Variants in CEP112 observed in about 807,000 individuals in gnomAD.
CEP112 encodes centrosomal protein of 112 kDa.
Under a neutral mutation model 153.0 loss-of-function variants are expected in CEP112, and 127 were observed. The ratio of observed to expected loss-of-function variants is 0.83; its 90% CI spans 0.72 to 0.96. The LOEUF (loss-of-function observed/expected upper bound fraction) is 0.96, where lower values mean the gene tolerates loss of function less well. Among genes scored for constraint, CEP112 ranks in the 40% least tolerant of loss-of-function variants. The pLI is 0.00. For synonymous variants in CEP112, 358 were observed against 374.4 expected (o/e 0.96, Z 0.51); for missense variants, 1,089 against 1,101.2 (o/e 0.99, Z 0.16).
At chr17:65,916,457 G>A (rs947903480) in intron 19 of CEP112, among the ~76,000 whole-genome samples, 1 of 152,042 alleles carries the variant, frequency 6.6e-6, no homozygotes, top group African/African-American at 2.4e-5. Flanking sequence ...GATTGAGAAG[G>A]CATTAGTTCC....
chr17:65,721,432 T>C (rs193052967), intron 23 of CEP112, among the ~76,000 whole-genome samples: 224 of 152,306 alleles, frequency 1.5e-3, no homozygotes, highest in Non-Finnish European at 2.8e-3. Context: ...TAATACTTCA[T>C]AGTTTGGCAA....
chr17:66,186,358 G>C (rs919303805), intron 1 of CEP112, among the ~76,000 whole-genome samples: 2 of 152,130 alleles, frequency 1.3e-5, no homozygotes, highest in Admixed American at 1.3e-4. Context: ...CTGGAGTGTA[G>C]TGGCACGATC....
At chr17:65,760,551 G>A (rs1337867045) in intron 21 of CEP112, among the ~76,000 whole-genome samples, 2 of 151,972 alleles carry the variant, frequency 1.3e-5, no homozygotes, top group African/African-American at 4.8e-5. Flanking sequence ...GATTACATTC[G>A]CTGATTTTCA....
At chr17:65,815,200 G>T (rs2056200696) in intron 21 of CEP112, among the ~76,000 whole-genome samples, 1 of 152,038 alleles carries the variant, frequency 6.6e-6, no homozygotes, top group South Asian at 2.1e-4. Flanking sequence ...TAACTTTTGT[G>T]TAACTGTGAG....
At chr17:65,826,541 A>G in intron 21 of CEP112, 1 of 1,339,790 alleles carries the variant, frequency 7.5e-7, no homozygotes, top group Non-Finnish European at 9.5e-7. Context: ...GATGTCAGCT[A>G]ATGTGATGCC....
intron 22 of CEP112, among the ~76,000 whole-genome samples, chr17:65,744,293 A>G (rs919672770): frequency 6.7e-6 from 1 of 150,166 alleles, no homozygotes; most frequent in Non-Finnish European, 1.5e-5. Context: ...TTGCTCTGTT[A>G]CCCAGGCTGG....
At chr17:66,029,023 G>T in intron 14 of CEP112, 100 bp downstream of exon 14, 1 of 910,632 alleles carries the variant, frequency 1.1e-6, no homozygotes, top group Non-Finnish European at 1.6e-6. Context: ...GTGAAAGAGA[G>T]ATTAATTTCA....
chr17:66,039,494 T>G (rs1481032507), intron 12 of CEP112, among the ~76,000 whole-genome samples: 1 of 152,124 alleles, frequency 6.6e-6, no homozygotes, highest in Admixed American at 6.5e-5. Flanking sequence ...AATAGGACTA[T>G]TTTCATAAGA....
chr17:65,694,582 TAAA>T (rs2048271952), intron 23 of CEP112, among the ~76,000 whole-genome samples: 1 of 152,200 alleles, frequency 6.6e-6, no homozygotes, highest in South Asian at 2.1e-4. Flanking sequence ...AAAGATCAGT[TAAA>T]AAACTGAAAA....
At chr17:65,651,398 A>G (rs774046557) in intron 24 of CEP112, among the ~76,000 whole-genome samples, 6 of 152,184 alleles carry the variant, frequency 3.9e-5, no homozygotes, top group Non-Finnish European at 7.3e-5. Context: ...TGCCATAAAC[A>G]TGTGTGTGCA....
At position 66,178,710 on chromosome 17, in the gene CEP112, A is replaced by G. The variant is rs553607607; in HGVS notation, c.107-1690T>C. ...TTGAGGTCTTAGATTTCAGTCTTTA[A>G]TCCATTTTTATTTTTGTATATGGTG... On this transcript the variant is annotated intron_variant, in intron 2 of 26. Coordinates refer to ENST00000535342, the MANE Select transcript of CEP112 (RefSeq NM_001199165.4). Among the ~76,000 whole-genome samples the G allele has an allele frequency of 5.8e-4, 88 of 151,962 alleles. 1 individual carries two copies. The highest frequency in any genetic ancestry group is 1.9e-3 in the African/African-American group (80 of 41,486).
At chr17:65,786,862 A>G (rs375125351) in intron 21 of CEP112, among the ~76,000 whole-genome samples, 1 of 152,136 alleles carries the variant, frequency 6.6e-6, no homozygotes, top group Admixed American at 6.5e-5. Flanking sequence ...CTGGGATTAT[A>G]AGCAAAGCTG....
chr17:65,823,065 A>G (rs548141344), intron 21 of CEP112, among the ~76,000 whole-genome samples: 8 of 152,242 alleles, frequency 5.3e-5, no homozygotes, highest in African/African-American at 1.9e-4. Flanking sequence ...GAAAACCTAA[A>G]TAAATGGTAA....
chr17:65,656,040 C>T (rs1404854715), intron 24 of CEP112, among the ~76,000 whole-genome samples: 1 of 152,184 alleles, frequency 6.6e-6, no homozygotes, highest in South Asian at 2.1e-4. Context: ...TACCCCTCTC[C>T]CATTCTCTGA....
At chr17:65,809,852 T>TGG (rs141825201) in intron 21 of CEP112, among the ~76,000 whole-genome samples, 33 of 145,362 alleles carry the variant, frequency 2.3e-4, no homozygotes, top group Middle Eastern at 3.5e-3. Context: ...GTAAAGGAAG[T>TGG]GGGGGGGGGA....
chr17:65,893,184 A>G (rs1228855783), intron 20 of CEP112, among the ~76,000 whole-genome samples: 1 of 152,056 alleles, frequency 6.6e-6, no homozygotes, highest in Non-Finnish European at 1.5e-5. Flanking sequence ...ACACTCCTCG[A>G]GACTAGTGCA....
chr17:66,186,858 C>CTCAATTTAAAAAAAGCAAT (rs1568596127), intron 1 of CEP112, among the ~76,000 whole-genome samples: 4 of 152,180 alleles, frequency 2.6e-5, no homozygotes, highest in Admixed American at 6.5e-5. Flanking sequence ...ATTTAAAAAT[C>CTCAATTTAAAAAAAGCAAT]ATAAATCTTG....
chr17:65,908,869 G>T lies in CEP112; in HGVS notation c.1981-6535C>A, dbSNP rs115659878. Among the ~76,000 whole-genome samples the T allele has an allele frequency of 1.2e-3, 186 of 152,192 alleles. 2 individuals carry two copies. Among genetic ancestry groups the T allele is most frequent in the African/African-American group, 3.7e-3 (154 of 41,542 alleles). Reference sequence around the variant, plus strand: ...TGATGATGACGTCTTCATTCCAATTGAACTTTCATGTAAGTGCCTAAGGGC... The same window carrying T: ...TGATGATGACGTCTTCATTCCAATTTAACTTTCATGTAAGTGCCTAAGGGC... On this transcript the variant is annotated intron_variant, in intron 19 of 26. Coordinates refer to ENST00000535342, the MANE Select transcript of CEP112 (RefSeq NM_001199165.4).
chr17:66,176,126 T>C (rs528438906), intron 3 of CEP112, among the ~76,000 whole-genome samples: 2 of 152,282 alleles, frequency 1.3e-5, no homozygotes, highest in South Asian at 2.1e-4. Flanking sequence ...TTAAGTAAAC[T>C]AATAAAAGTT....
Sources: allele counts gnomAD v4.1 joint callset (sites outside exome capture counted in the v4.1 genomes callset), GRCh38; gene constraint gnomAD v4.1.1; transcripts MANE v1.5; gene names NCBI Gene and HGNC (gene_info 2026-07-23, HGNC 2026-07-21).